The following ARID2 variants were observed in gnomAD, a reference collection of about 807,000 sequenced individuals.
ARID2 encodes AT-rich interaction domain 2, also known as AT-rich interactive domain-containing protein 2.
Under a neutral mutation model 184.6 loss-of-function variants are expected in ARID2, and 32 were observed. That is an observed-to-expected ratio of 0.17 (90% CI 0.13 to 0.23). The LOEUF is 0.23. Ranked by LOEUF, ARID2 falls within the 10% of genes least tolerant of loss-of-function variation. The probability of loss-of-function intolerance (pLI) is 1.00; values close to 1 mark genes in which losing one functional copy is unlikely to be tolerated. For synonymous variants in ARID2, 836 were observed against 772.6 expected (o/e 1.08, Z -1.36); for missense variants, 1,696 against 2,197.6 (o/e 0.77, Z 4.56).
At position 45,867,426 on chromosome 12, in the gene ARID2, C is replaced by G. The variant is rs143664566; in HGVS notation, c.4922+6477C>G. ...GACCACCACACCCACCTAATTTTAACTTTTTTCTAAGCTAATTTTAAAATT... is the reference window on the plus strand; with the variant it reads ...GACCACCACACCCACCTAATTTTAAGTTTTTTCTAAGCTAATTTTAAAATT... On this transcript the variant is annotated intron_variant, in intron 16 of 20. Coordinates refer to ENST00000334344, the MANE Select transcript of ARID2 (RefSeq NM_152641.4). 1.6e-3 allele frequency among the ~76,000 whole-genome samples: 242 copies of G among 150,996 alleles called. 1 individual carries two copies. The highest frequency in any genetic ancestry group is 5.6e-3 in the African/African-American group (232 of 41,222).
chr12:45,878,044 A>C (rs1456260990), intron 16 of ARID2, among the ~76,000 whole-genome samples: 1 of 152,204 alleles, frequency 6.6e-6, no homozygotes, highest in Admixed American at 6.5e-5. Context: ...TAAATATCTC[A>C]TTCCATTCTT....
intron 20 of ARID2, among the ~76,000 whole-genome samples, chr12:45,894,344 G>C (rs977757016): frequency 9.9e-5 from 15 of 152,122 alleles, no homozygotes; most frequent in Admixed American, 9.8e-4. Context: ...CCGCCTCTCT[G>C]CGAAATTGTC....
chr12:45,772,841 A>T (rs981970938), intron 3 of ARID2, among the ~76,000 whole-genome samples: 3 of 152,194 alleles, frequency 2.0e-5, no homozygotes, highest in Non-Finnish European at 4.4e-5. Flanking sequence ...AACGGATAGA[A>T]CAACTTGGCA....
chr12:45,860,181 TCTGTAAC>T (rs2138191437), intron 15 of ARID2, among the ~76,000 whole-genome samples: 1 of 152,342 alleles, frequency 6.6e-6, no homozygotes, highest in South Asian at 2.1e-4. Flanking sequence ...TGATTATGCC[TCTGTAAC>T]CTGCCCAGGC....
At chr12:45,796,189 T>A (rs937041837) in intron 3 of ARID2, among the ~76,000 whole-genome samples, 5 of 152,026 alleles carry the variant, frequency 3.3e-5, no homozygotes, top group Admixed American at 3.3e-4. Flanking sequence ...CAAAAATTTT[T>A]AATATATATT....
At chr12:45,887,261 T>C (rs1482931078) in intron 16 of ARID2, among the ~76,000 whole-genome samples, 3 of 152,136 alleles carry the variant, frequency 2.0e-5, no homozygotes, top group Non-Finnish European at 4.4e-5. Context: ...TATATATATA[T>C]TTTAAATCGC....
At chr12:45,856,076 T>C (rs1056438918) in intron 15 of ARID2, among the ~76,000 whole-genome samples, 11 of 126,660 alleles carry the variant, frequency 8.7e-5, no homozygotes, top group South Asian at 2.6e-4. Context: ...TCTTTTTTTT[T>C]TTTTTTTTTT....
intron 13 of ARID2, 109 bp downstream of exon 13, chr12:45,849,079 T>A (rs1943493555): frequency 1.5e-6 from 2 of 1,302,486 alleles, no homozygotes; most frequent in East Asian, 4.9e-5. Flanking sequence ...TTTCTACTAC[T>A]AGAAGTTTCG....
chr12:45,903,004 G>A (rs921553918), intron 20 of ARID2, among the ~76,000 whole-genome samples: 3 of 152,090 alleles, frequency 2.0e-5, no homozygotes, highest in African/African-American at 7.2e-5. Context: ...TCCAAGTTAA[G>A]AAATAGAGCA....
At chr12:45,791,845 G>T (rs1942298335) in intron 3 of ARID2, among the ~76,000 whole-genome samples, 1 of 152,190 alleles carries the variant, frequency 6.6e-6, no homozygotes, top group African/African-American at 2.4e-5. Flanking sequence ...TTGTGGAACA[G>T]TTTGTATTAC....
At chr12:45,843,040 T>G (rs1027018146) in intron 11 of ARID2, among the ~76,000 whole-genome samples, 1 of 152,146 alleles carries the variant, frequency 6.6e-6, no homozygotes, top group African/African-American at 2.4e-5. Flanking sequence ...ACTTATTTTT[T>G]ACAATCATCT....
intron 14 of ARID2, 125 bp downstream of exon 14, chr12:45,849,901 C>G: frequency 7.1e-7 from 1 of 1,409,048 alleles, no homozygotes; most frequent in Non-Finnish European, 9.5e-7. Flanking sequence ...CTTACTTGGT[C>G]TATTACCATA....
chr12:45,906,733 A>G lies in ARID2; in HGVS notation c.*1655A>G. ...TTGCATGAAATAAGCAGATTAACCA[A>G]GTATTTATTTTTCATCTTGTTATAA... On this transcript the variant is annotated 3_prime_UTR_variant, in exon 21 of 21. Coordinates refer to ENST00000334344, the MANE Select transcript of ARID2 (RefSeq NM_152641.4). The G allele has an allele frequency of 4.3e-6, 1 of 232,220 alleles. No individual in the cohort carries two copies. The allele number at this position is 232,220 out of a possible 1,614,324, so 14.4% of individuals were successfully genotyped here. A position where few individuals can be genotyped will look rare whatever the true frequency, so the allele number is the denominator to read the frequency against.
chr12:45,754,762 G>C (rs1413288017), intron 3 of ARID2, among the ~76,000 whole-genome samples: 1 of 152,174 alleles, frequency 6.6e-6, no homozygotes, highest in Non-Finnish European at 1.5e-5. Flanking sequence ...GCCTGAGGAG[G>C]TAGGGACTTA....
At chr12:45,746,652 T>C (rs892413105) in intron 3 of ARID2, among the ~76,000 whole-genome samples, 2 of 152,180 alleles carry the variant, frequency 1.3e-5, no homozygotes, top group Non-Finnish European at 2.9e-5. Flanking sequence ...TGGTAACTCA[T>C]TTTCTCTTCA....
At chr12:45,742,607 TC>T (rs1272411572) in intron 3 of ARID2, among the ~76,000 whole-genome samples, 2 of 152,220 alleles carry the variant, frequency 1.3e-5, no homozygotes, top group African/African-American at 4.8e-5. Context: ...GTTCATAGAA[TC>T]CCATTATTAT....
chr12:45,764,712 G>A (rs1317528355), intron 3 of ARID2, among the ~76,000 whole-genome samples: 1 of 152,162 alleles, frequency 6.6e-6, no homozygotes, highest in Non-Finnish European at 1.5e-5. Context: ...GTGTTGTTAA[G>A]TAGTGTTCTG....
intron 6 of ARID2, among the ~76,000 whole-genome samples, chr12:45,825,585 A>T (rs2138105273): frequency 6.6e-6 from 1 of 152,310 alleles, no homozygotes; most frequent in East Asian, 1.9e-4. Context: ...AGTATTATAA[A>T]TTGTCTTTAA....
At chr12:45,735,779 C>A (rs1162237361) in intron 3 of ARID2, among the ~76,000 whole-genome samples, 2 of 152,104 alleles carry the variant, frequency 1.3e-5, no homozygotes, top group Non-Finnish European at 2.9e-5. Flanking sequence ...GTCTTAGAAT[C>A]CATGTTTTTA....
Sources: gnomAD v4.1 joint callset for allele counts (sites outside exome capture counted in the v4.1 genomes callset) on GRCh38, gnomAD v4.1.1 for gene constraint, MANE v1.5 for transcripts, NCBI Gene and HGNC (gene_info 2026-07-23, HGNC 2026-07-21) for gene names.